Variants in BTRC observed in about 807,000 individuals in gnomAD.
BTRC encodes F-box/WD repeat-containing protein 1A.
In BTRC, 42 loss-of-function variants were observed where a neutral mutation model predicts 85.5. The observed-to-expected ratio is 0.49, with a 90% CI of 0.38 to 0.64. The LOEUF (loss-of-function observed/expected upper bound fraction) is 0.64. BTRC is among the 30% of genes least tolerant of loss of function. The pLI, the probability that BTRC is intolerant of heterozygous loss-of-function variation, is 0.00. For synonymous variants in BTRC, 255 were observed against 263.3 expected, an observed-to-expected ratio of 0.97 and a Z score of 0.30; for missense variants, 594 against 743.5, an observed-to-expected ratio of 0.80 and a Z score of 2.34.
At chr10:101,493,766 G>A (rs571947694) in intron 4 of BTRC, among the ~76,000 whole-genome samples, 1 of 152,102 alleles carries the variant, frequency 6.6e-6, no homozygotes, top group Non-Finnish European at 1.5e-5. Context: ...GCCTCAATTA[G>A]CAGCCACAAA....
chr10:101,452,363 CAT>C (rs1303359559), intron 2 of BTRC, among the ~76,000 whole-genome samples: 1 of 152,216 alleles, frequency 6.6e-6, no homozygotes, highest in African/African-American at 2.4e-5. Context: ...GCAGGCAAGA[CAT>C]AGTTATGCAG....
At chr10:101,359,161 A>T (rs1335911967) in intron 1 of BTRC, among the ~76,000 whole-genome samples, 2 of 152,224 alleles carry the variant, frequency 1.3e-5, no homozygotes, top group Non-Finnish European at 2.9e-5. Flanking sequence ...TTGCTTACTT[A>T]CTTCAGGAAA....
intron 2 of BTRC, among the ~76,000 whole-genome samples, chr10:101,434,562 C>A (rs934229453): frequency 1.3e-4 from 20 of 151,806 alleles, no homozygotes; most frequent in African/African-American, 3.9e-4. Context: ...AAAATATGAA[C>A]CATAAAAGAA....
chr10:101,493,026 C>G (rs1946173345), intron 4 of BTRC, among the ~76,000 whole-genome samples: 1 of 152,000 alleles, frequency 6.6e-6, no homozygotes, highest in Non-Finnish European at 1.5e-5. Context: ...TATTTAGTGC[C>G]CTTGAAACTT....
chr10:101,509,736 T>G (rs1946650290), intron 4 of BTRC, among the ~76,000 whole-genome samples: 1 of 143,204 alleles, frequency 7.0e-6, no homozygotes, highest in Admixed American at 6.9e-5. Context: ...TTTTTTTTTT[T>G]TTTTTGGTAG....
chr10:101,371,419 C>T (rs958232588), intron 1 of BTRC, among the ~76,000 whole-genome samples: 7 of 152,122 alleles, frequency 4.6e-5, no homozygotes, highest in Non-Finnish European at 7.4e-5. Flanking sequence ...TCAGGTGATC[C>T]GCCCGCCTCG....
chr10:101,503,046 C>CA (rs1946434376), intron 4 of BTRC, among the ~76,000 whole-genome samples: 1 of 152,068 alleles, frequency 6.6e-6, no homozygotes, highest in East Asian at 1.9e-4. Flanking sequence ...TTGTAACTAT[C>CA]ACCATTTTAT....
chr10:101,375,797 CT>C (rs948325670), intron 1 of BTRC, among the ~76,000 whole-genome samples: 64 of 152,338 alleles, frequency 4.2e-4, no homozygotes, highest in African/African-American at 1.5e-3. Context: ...TTTTTCCCCC[CT>C]CTTCCCTTTT....
At chr10:101,430,948 C>A (rs145937846) in intron 2 of BTRC, among the ~76,000 whole-genome samples, 116 of 150,652 alleles carry the variant, frequency 7.7e-4, no homozygotes, top group African/African-American at 2.6e-3. Context: ...TTATTTATAT[C>A]TTGATTAACA....
intron 4 of BTRC, among the ~76,000 whole-genome samples, chr10:101,494,815 G>T (rs546635364): frequency 1.6e-4 from 24 of 152,280 alleles, no homozygotes; most frequent in South Asian, 8.3e-4. Context: ...ATTCTGTCTG[G>T]ATTGCAGAGG....
At chr10:101,396,955 A>T (rs1203453761) in intron 1 of BTRC, among the ~76,000 whole-genome samples, 1 of 151,950 alleles carries the variant, frequency 6.6e-6, no homozygotes, top group Non-Finnish European at 1.5e-5. Flanking sequence ...GGCATCTGCC[A>T]CCTCGCCTGG....
intron 4 of BTRC, 108 bp downstream of exon 4, chr10:101,479,565 T>A: frequency 1.2e-6 from 1 of 830,990 alleles, no homozygotes; most frequent in African/African-American, 1.7e-5. Context: ...ATTATATAGT[T>A]AAGAAAAAAA....
intron 1 of BTRC, among the ~76,000 whole-genome samples, chr10:101,384,873 CTACTT>C: frequency 6.6e-6 from 1 of 152,258 alleles, no homozygotes; most frequent in East Asian, 1.9e-4. Flanking sequence ...TCGTGGGACA[CTACTT>C]AACTGAATTT....
intron 13 of BTRC, among the ~76,000 whole-genome samples, chr10:101,548,656 G>A (rs1037055250): frequency 1.4e-4 from 21 of 152,182 alleles, no homozygotes; most frequent in Non-Finnish European, 4.4e-5. Flanking sequence ...GGAGGCTGAG[G>A]CAGGAGAATC....
chr10:101,497,186 GTTTTC>G (rs1020100269), intron 4 of BTRC, among the ~76,000 whole-genome samples: 1 of 152,124 alleles, frequency 6.6e-6, no homozygotes, highest in African/African-American at 2.4e-5. Context: ...ATACCGGATT[GTTTTC>G]TTTGACCATA....
Position 101,367,051 on chromosome 10 carries a change from T to A in BTRC, c.48+12823T>A, listed in dbSNP as rs1324393496. On this transcript the variant is annotated intron_variant, in intron 1 of 14. Coordinates refer to ENST00000370187, the MANE Select transcript of BTRC (RefSeq NM_033637.4). The stretch of plus-strand genomic sequence containing the variant: ...ATATATTTATATATATAAATATATA[T>A]ATATATAAATATAAATATATATATA... Among the ~76,000 whole-genome samples, 257 of 86,234 alleles carry A rather than the reference T, an allele frequency of 3.0e-3. 16 individuals carry two copies. The highest frequency in any genetic ancestry group is 9.6e-3 in the African/African-American group (240 of 24,954). 56.6% of individuals were successfully genotyped at this position (86,234 alleles called of 152,430 possible).
intron 4 of BTRC, among the ~76,000 whole-genome samples, chr10:101,486,594 G>T (rs1330848580): frequency 6.6e-6 from 1 of 152,054 alleles, no homozygotes; most frequent in Non-Finnish European, 1.5e-5. Flanking sequence ...AAGAGTGTGT[G>T]AATTAGTTAA....
chr10:101,408,988 G>T (rs562922618), intron 1 of BTRC, among the ~76,000 whole-genome samples: 13 of 152,176 alleles, frequency 8.5e-5, no homozygotes, highest in Non-Finnish European at 1.9e-4. Flanking sequence ...GACGGAGGTT[G>T]CAGTGAACCA....
intron 1 of BTRC, among the ~76,000 whole-genome samples, chr10:101,378,520 A>ATTTTTTT (rs368968037): frequency 3.1e-5 from 3 of 97,068 alleles, no homozygotes; most frequent in African/African-American, 3.3e-5. Flanking sequence ...CCCAATTATA[A>ATTTTTTT]TTTTTTTTTT....
Sources: gnomAD v4.1 joint callset for allele counts (sites outside exome capture counted in the v4.1 genomes callset) on GRCh38, gnomAD v4.1.1 for gene constraint, MANE v1.5 for transcripts, NCBI Gene and HGNC (gene_info 2026-07-23, HGNC 2026-07-21) for gene names.